SLIT3: variants seen among roughly 807,000 people sequenced by gnomAD.
SLIT3 encodes the protein slit homolog 3 protein.
Under a neutral mutation model 184.0 loss-of-function variants are expected in SLIT3, and 68 were observed. The observed-to-expected ratio is 0.37, with a 90% CI of 0.30 to 0.45. The LOEUF (loss-of-function observed/expected upper bound fraction) is 0.45. Ranked by LOEUF, SLIT3 falls within the 20% of genes least tolerant of loss-of-function variation. The pLI is 1.00. For synonymous variants in SLIT3, 831 were observed against 828.6 expected, an observed-to-expected ratio of 1.00 and a Z score of -0.05; for missense variants, 1,707 against 2,026.0, an observed-to-expected ratio of 0.84 and a Z score of 3.02.
chr5:168,708,159 C>T (rs1316759232), intron 25 of SLIT3, 59 bp from the exon 26 acceptor site: 1 of 1,612,374 alleles, frequency 6.2e-7, no homozygotes, highest in African/African-American at 1.3e-5. Context: ...TGCCATACCT[C>T]CCTTCCCCTC....
chr5:168,666,757 G>C, intron 35 of SLIT3, 68 bp from the exon 36 acceptor site: 2 of 1,608,662 alleles, frequency 1.2e-6, no homozygotes, highest in Non-Finnish European at 1.7e-6. Flanking sequence ...GCAGTTCCCA[G>C]GTAGGCTGCT....
Position 168,671,189 on chromosome 5 carries a change from G to C in SLIT3, c.4127+9C>G. 1 of 1,601,190 alleles carries C rather than the reference G, an allele frequency of 6.2e-7. No individual in the cohort carries two copies. The highest frequency in any genetic ancestry group is 8.5e-7 in the Non-Finnish European group (1 of 1,171,330). ...TCGAGCACACAGCCAGGGCTCCTGGGACACTGACCTGTGGCCGAGGCAGGG... is the reference window on the plus strand; with the variant it reads ...TCGAGCACACAGCCAGGGCTCCTGGCACACTGACCTGTGGCCGAGGCAGGG... On this transcript the variant is annotated intron_variant, in intron 34 of 35. Coordinates refer to ENST00000519560, the MANE Select transcript of SLIT3 (RefSeq NM_003062.4).
intron 9 of SLIT3, among the ~76,000 whole-genome samples, chr5:168,799,578 T>C (rs1363258677): frequency 2.6e-5 from 4 of 152,156 alleles, no homozygotes; most frequent in Admixed American, 6.5e-5. Flanking sequence ...AATATATTTC[T>C]AGCAATACAG....
chr5:169,297,223 T>C (rs914325446), intron 1 of SLIT3, among the ~76,000 whole-genome samples: 15 of 152,332 alleles, frequency 9.8e-5, no homozygotes, highest in Middle Eastern at 6.8e-3. Flanking sequence ...CACCTCCTCA[T>C]GGAGGGGGAA....
chr5:169,154,371 G>C (rs1050097219), intron 4 of SLIT3, among the ~76,000 whole-genome samples: 3 of 152,110 alleles, frequency 2.0e-5, no homozygotes, highest in African/African-American at 7.2e-5. Flanking sequence ...TGGCTCCTTG[G>C]CCATACCCTG....
At chr5:169,042,617 A>G (rs1757484374) in intron 4 of SLIT3, among the ~76,000 whole-genome samples, 1 of 152,240 alleles carries the variant, frequency 6.6e-6, no homozygotes, top group Admixed American at 6.5e-5. Flanking sequence ...TAGTGAAATC[A>G]GCCCTGTTCT....
chr5:168,716,092 T>C (rs1762720047), intron 23 of SLIT3, among the ~76,000 whole-genome samples: 1 of 152,218 alleles, frequency 6.6e-6, no homozygotes, highest in African/African-American at 2.4e-5. Context: ...CTCAGCCTCC[T>C]GAGTAGCTGG....
chr5:169,002,554 T>C (rs1755757010), intron 4 of SLIT3, among the ~76,000 whole-genome samples: 1 of 151,882 alleles, frequency 6.6e-6, no homozygotes, highest in Non-Finnish European at 1.5e-5. Context: ...CAGGGAGCCA[T>C]TGTGTAGTCT....
chr5:168,795,629 T>C, intron 9 of SLIT3, 51 bp from the exon 10 acceptor site: 1 of 1,444,014 alleles, frequency 6.9e-7, no homozygotes, highest in Non-Finnish European at 9.8e-7. Context: ...TGTCAACAAG[T>C]GGTCACTGAG....
At chr5:168,707,028 G>A (rs1395993533) in intron 26 of SLIT3, 1 of 152,260 alleles carries the variant, frequency 6.6e-6, no homozygotes, top group Non-Finnish European at 1.5e-5. Flanking sequence ...TGCAGAAGAG[G>A]ATGGAGCCAC....
intron 3 of SLIT3, among the ~76,000 whole-genome samples, chr5:169,213,132 A>G (rs917548038): frequency 6.6e-6 from 1 of 152,192 alleles, no homozygotes; most frequent in Non-Finnish European, 1.5e-5. Context: ...TACAAAATCA[A>G]TGTGCAAAAA....
At chr5:169,169,040 G>C (rs78207355) in intron 4 of SLIT3, among the ~76,000 whole-genome samples, 2 of 124,836 alleles carry the variant, frequency 1.6e-5, no homozygotes, top group Admixed American at 1.6e-4. Context: ...CCCAGAGTGG[G>C]GGGGGGATCA....
intron 3 of SLIT3, among the ~76,000 whole-genome samples, chr5:169,207,536 G>T (rs1764116074): frequency 1.3e-5 from 2 of 151,946 alleles, no homozygotes; most frequent in Admixed American, 1.3e-4. Flanking sequence ...GAAGGCAAAG[G>T]GCTCCACATT....
intron 35 of SLIT3, among the ~76,000 whole-genome samples, chr5:168,668,841 C>G (rs188218858): frequency 1.3e-5 from 2 of 152,248 alleles, no homozygotes; most frequent in African/African-American, 4.8e-5. Context: ...TTGATCTTGG[C>G]TGACTGTAAC....
intron 3 of SLIT3, among the ~76,000 whole-genome samples, chr5:169,207,849 C>T (rs1340252973): frequency 6.6e-6 from 1 of 152,180 alleles, no homozygotes; most frequent in Non-Finnish European, 1.5e-5. Flanking sequence ...TTGCATCTTC[C>T]ACAATGTGAG....
At chr5:168,846,677 T>C (rs140112955) in intron 5 of SLIT3, among the ~76,000 whole-genome samples, 3 of 152,330 alleles carry the variant, frequency 2.0e-5, no homozygotes, top group African/African-American at 7.2e-5. Flanking sequence ...ATCATCACAT[T>C]GGGAAGTCTG....
At chr5:168,904,103 CCT>C (rs1581196324) in intron 4 of SLIT3, among the ~76,000 whole-genome samples, 1 of 152,106 alleles carries the variant, frequency 6.6e-6, no homozygotes, top group Non-Finnish European at 1.5e-5. Flanking sequence ...CCCTGTTGCC[CCT>C]GTGTCCAGCG....
intron 20 of SLIT3, among the ~76,000 whole-genome samples, chr5:168,733,161 C>G (rs1420462022): frequency 6.6e-6 from 1 of 151,468 alleles, no homozygotes; most frequent in Non-Finnish European, 1.5e-5. Flanking sequence ...CAAAAACAGA[C>G]ATACAATTGG....
At chr5:168,714,011 C>T (rs1762641235) in intron 23 of SLIT3, among the ~76,000 whole-genome samples, 1 of 152,200 alleles carries the variant, frequency 6.6e-6, no homozygotes, top group African/African-American at 2.4e-5. Context: ...TCCTCATCAC[C>T]ATCAGCTCCT....
Sources: gnomAD v4.1 joint callset for allele counts (sites outside exome capture counted in the v4.1 genomes callset) on GRCh38, gnomAD v4.1.1 for gene constraint, MANE v1.5 for transcripts, NCBI Gene and HGNC (gene_info 2026-07-23, HGNC 2026-07-21) for gene names.